The following PCDH15 variants were observed in gnomAD, a reference collection of about 807,000 sequenced individuals.
The protein encoded by PCDH15 is protocadherin related 15, also known as protocadherin-15.
PCDH15 carries 129 observed loss-of-function variants against 178.5 expected under a neutral mutation model. That is an observed-to-expected ratio of 0.72 (90% CI 0.63 to 0.84). The LOEUF (loss-of-function observed/expected upper bound fraction) is 0.84. Ranked by LOEUF, PCDH15 falls within the 40% of genes least tolerant of loss-of-function variation. The probability of loss-of-function intolerance (pLI) is 0.00; values close to 1 mark genes in which losing one functional copy is unlikely to be tolerated. For synonymous variants in PCDH15, 800 were observed against 732.0 expected (o/e 1.09, Z -1.50); for missense variants, 2,230 against 2,099.9 (o/e 1.06, Z -1.21).
At chr10:54,786,812 T>A (rs1001416864) in intron 1 of PCDH15, among the ~76,000 whole-genome samples, 6 of 151,864 alleles carry the variant, frequency 4.0e-5, no homozygotes, top group African/African-American at 1.4e-4. Context: ...AGAAAACAAT[T>A]TATAGTATTT....
intron 5 of PCDH15, among the ~76,000 whole-genome samples, chr10:54,348,795 T>G (rs1406483634): frequency 1.3e-5 from 2 of 152,170 alleles, no homozygotes; most frequent in Non-Finnish European, 1.5e-5. Flanking sequence ...TTCAAGAAAT[T>G]TAAATTTTGT....
intron 1 of PCDH15, among the ~76,000 whole-genome samples, chr10:55,252,203 G>A (rs1168171107): frequency 6.6e-6 from 1 of 152,074 alleles, no homozygotes; most frequent in Non-Finnish European, 1.5e-5. Flanking sequence ...GCCTTTTACA[G>A]AGTTATAAGC....
chr10:55,288,833 A>G (rs1309578977), intron 1 of PCDH15, among the ~76,000 whole-genome samples: 1 of 151,640 alleles, frequency 6.6e-6, no homozygotes, highest in African/African-American at 2.4e-5. Flanking sequence ...CATTAGAGTG[A>G]GGCTATTTCT....
intron 2 of PCDH15, among the ~76,000 whole-genome samples, chr10:54,536,258 G>A (rs2084506371): frequency 6.6e-6 from 1 of 152,130 alleles, no homozygotes; most frequent in African/African-American, 2.4e-5. Context: ...TAAAATAGAT[G>A]TTGTTTTAGA....
intron 2 of PCDH15, among the ~76,000 whole-genome samples, chr10:55,422,125 C>G (rs1049143668): frequency 6.6e-6 from 1 of 151,724 alleles, no homozygotes; most frequent in Non-Finnish European, 1.5e-5. Context: ...CTCTATTCAC[C>G]GCTACCCACA....
At chr10:54,289,211 G>C (rs573496806) in intron 8 of PCDH15, among the ~76,000 whole-genome samples, 3 of 152,286 alleles carry the variant, frequency 2.0e-5, no homozygotes, top group African/African-American at 7.2e-5. Flanking sequence ...GCCTCCACTG[G>C]TGATACCTAG....
chr10:55,427,975 T>A (rs1368038425), intron 2 of PCDH15, among the ~76,000 whole-genome samples: 1 of 149,772 alleles, frequency 6.7e-6, no homozygotes, highest in East Asian at 2.0e-4. Flanking sequence ...ATAATTTCTA[T>A]GGGAAAAATA....
At chr10:53,952,304 G>A (rs1444703006) in intron 23 of PCDH15, among the ~76,000 whole-genome samples, 2 of 152,168 alleles carry the variant, frequency 1.3e-5, no homozygotes, top group African/African-American at 4.8e-5. Flanking sequence ...AAGGCAAAGA[G>A]GTGCTTCATT....
intron 2 of PCDH15, among the ~76,000 whole-genome samples, chr10:54,552,649 G>C (rs969626092): frequency 2.6e-5 from 4 of 152,074 alleles, no homozygotes; most frequent in Non-Finnish European, 5.9e-5. Context: ...AGAATTGGTG[G>C]AAGCATTAAA....
In PCDH15 at chr10:54,132,872, T is replaced by C. The variant is rs769389415; in HGVS notation, c.1917+3A>G. ...ACACACACACACACACCAAGGAACA[T>C]ACCTGTAGATTTAATAAAACAGCAC... On this transcript the variant is annotated splice_donor_region_variant and intron_variant, in intron 15 of 37. Transcript: ENST00000644397. 8.7e-6 allele frequency: 14 copies of C among 1,609,202 alleles called. No individual in the cohort carries two copies. Among genetic ancestry groups the C allele is most frequent in the South Asian group, 1.1e-5 (1 of 90,406 alleles).
At chr10:55,310,220 T>TAAG (rs2132287792) in intron 1 of PCDH15, among the ~76,000 whole-genome samples, 1 of 152,306 alleles carries the variant, frequency 6.6e-6, no homozygotes, top group East Asian at 1.9e-4. Context: ...CCTTCTCCTC[T>TAAG]AGCATGTGAA....
chr10:54,012,416 A>G (rs2135177091), intron 20 of PCDH15, among the ~76,000 whole-genome samples: 1 of 152,230 alleles, frequency 6.6e-6, no homozygotes, highest in Non-Finnish European at 1.5e-5. Flanking sequence ...AGAGAGGCCA[A>G]TATTAAAATT....
intron 1 of PCDH15, among the ~76,000 whole-genome samples, chr10:55,245,725 C>A (rs1386464883): frequency 1.3e-5 from 2 of 152,140 alleles, no homozygotes; most frequent in Non-Finnish European, 2.9e-5. Flanking sequence ...AGATGGCACT[C>A]TAGTCAATAT....
chr10:55,416,345 T>G (rs1210553882), intron 2 of PCDH15, among the ~76,000 whole-genome samples: 5 of 151,746 alleles, frequency 3.3e-5, no homozygotes, highest in Non-Finnish European at 2.9e-5. Context: ...TGATAACCAT[T>G]GTAAGTAAGC....
At chr10:54,984,675 CAA>C (rs1011111869) in intron 2 of PCDH15, among the ~76,000 whole-genome samples, 3 of 151,744 alleles carry the variant, frequency 2.0e-5, no homozygotes, top group Non-Finnish European at 2.9e-5. Context: ...ACTGTCTCTA[CAA>C]AAAAAATTTA....
chr10:54,483,212 T>A (rs371263034), intron 3 of PCDH15, among the ~76,000 whole-genome samples: 1 of 151,906 alleles, frequency 6.6e-6, no homozygotes, highest in South Asian at 2.1e-4. Flanking sequence ...AACATAGGGA[T>A]ATGGACAACA....
chr10:54,889,627 A>G (rs1954425847), intron 3 of PCDH15, among the ~76,000 whole-genome samples: 1 of 151,092 alleles, frequency 6.6e-6, no homozygotes, highest in Non-Finnish European at 1.5e-5. Context: ...GGTCTATACT[A>G]TGACTACTTG....
intron 10 of PCDH15, among the ~76,000 whole-genome samples, chr10:54,200,207 CTAGGA>C (rs1347628684): frequency 2.0e-5 from 3 of 146,476 alleles, no homozygotes; most frequent in East Asian, 2.0e-4. Flanking sequence ...TAAATAAATT[CTAGGA>C]TAGAAGAAAG....
At chr10:55,597,039 T>C (rs1842949212) in intron 2 of PCDH15, 1 of 152,208 alleles carries the variant, frequency 6.6e-6, no homozygotes. Context: ...CTAGTGACTA[T>C]CACCCTAATA....
Sources: allele counts gnomAD v4.1 joint callset (sites outside exome capture counted in the v4.1 genomes callset), GRCh38; gene constraint gnomAD v4.1.1; transcripts MANE v1.5; gene names NCBI Gene and HGNC (gene_info 2026-07-23, HGNC 2026-07-21).